MED13L: variants seen among roughly 807,000 people sequenced by gnomAD.
The protein encoded by MED13L is mediator of RNA polymerase II transcription subunit 13-like.
MED13L carries 7 observed loss-of-function variants against 220.9 expected under a neutral mutation model. The observed-to-expected ratio is 0.03, with a 90% CI of 0.02 to 0.06. MED13L has a LOEUF of 0.06. Among genes scored for constraint, MED13L ranks in the 10% least tolerant of loss-of-function variants. MED13L has a pLI of 1.00. For missense variants in MED13L, 1,965 were observed against 2,760.5 expected, an observed-to-expected ratio of 0.71 and a Z score of 6.46; for synonymous variants, 1,011 against 1,015.2, an observed-to-expected ratio of 1.00 and a Z score of 0.08.
chr12:116,063,036 G>T (rs1254108496), intron 4 of MED13L, among the ~76,000 whole-genome samples: 1 of 152,066 alleles, frequency 6.6e-6, no homozygotes, highest in Non-Finnish European at 1.5e-5. Context: ...ATTCTTGGAG[G>T]CTCAACGCAG....
At position 115,970,782 on chromosome 12, in the gene MED13L, AAAAT is replaced by A. The variant is rs769427230; in HGVS notation, c.5891-16_5891-13del. On this transcript the variant is annotated splice_polypyrimidine_tract_variant and intron_variant, in intron 26 of 30. Transcript: ENST00000281928. ...CATTGTGACAGCATCTTTAAAGAAA[AAAAT>A]AGAATTATATCAATCAATGAACAAC... 6 of 1,612,664 alleles carry A rather than the reference AAAAT, an allele frequency of 3.7e-6. No homozygotes were observed. In the East Asian group the frequency reaches 1.3e-4, roughly 36 times the overall value.
intron 2 of MED13L, among the ~76,000 whole-genome samples, chr12:116,162,917 A>T (rs917097784): frequency 1.3e-5 from 2 of 152,168 alleles, no homozygotes; most frequent in Non-Finnish European, 1.5e-5. Flanking sequence ...AAAATAAATA[A>T]AGAGACAAGG....
rs1874003352 is a variant in MED13L at position 116,277,673 on chromosome 12, C to A, written c.-542G>T. Reference sequence around the variant, plus strand: ...GCCTCGCTTCTCCTCCCTCCCCGGGCTCGCTTGCTCTGACAGCAATGGCGG... The same window carrying A: ...GCCTCGCTTCTCCTCCCTCCCCGGGATCGCTTGCTCTGACAGCAATGGCGG... On this transcript the variant is annotated 5_prime_UTR_variant, in exon 1 of 31. Transcript: ENST00000281928. Among the ~76,000 whole-genome samples the A allele has an allele frequency of 6.7e-6, 1 of 149,712 alleles. No homozygotes were observed. The highest frequency in any genetic ancestry group is 2.0e-4 in the East Asian group (1 of 5,088).
intron 4 of MED13L, among the ~76,000 whole-genome samples, chr12:116,056,370 T>C (rs1868974894): frequency 6.6e-6 from 1 of 151,924 alleles, no homozygotes; most frequent in Non-Finnish European, 1.5e-5. Context: ...CTCAACCTCC[T>C]GGGCTCAGGT....
chr12:116,179,702 A>G (rs74238462), intron 2 of MED13L, among the ~76,000 whole-genome samples: 1 of 133,910 alleles, frequency 7.5e-6, no homozygotes, highest in African/African-American at 2.9e-5. Context: ...TTTTTTTTTT[A>G]AAGGTTACAA....
chr12:115,984,867 CT>C (rs71442953), intron 19 of MED13L, among the ~76,000 whole-genome samples: 333 of 144,322 alleles, frequency 2.3e-3, no homozygotes, highest in Middle Eastern at 3.6e-3. Flanking sequence ...TGCTGATCGC[CT>C]TTTTTTTTTT....
chr12:116,201,304 T>C (rs1038634245), intron 2 of MED13L, among the ~76,000 whole-genome samples: 4 of 152,148 alleles, frequency 2.6e-5, no homozygotes, highest in Non-Finnish European at 5.9e-5. Context: ...TGTAATACCA[T>C]ATAAATTTTG....
intron 4 of MED13L, among the ~76,000 whole-genome samples, chr12:116,040,311 G>A (rs1322274283): frequency 6.6e-6 from 1 of 152,042 alleles, no homozygotes; most frequent in Non-Finnish European, 1.5e-5. Context: ...AAAATTCACT[G>A]AAAACAAATA....
intron 4 of MED13L, among the ~76,000 whole-genome samples, chr12:116,061,754 T>A (rs1369468568): frequency 1.3e-5 from 2 of 152,084 alleles, no homozygotes; most frequent in African/African-American, 4.8e-5. Flanking sequence ...ACGCCTGTAA[T>A]CTCAGCACTT....
chr12:116,012,653 G>A, intron 9 of MED13L, 144 bp downstream of exon 9: 1 of 712,340 alleles, frequency 1.4e-6, no homozygotes, highest in Non-Finnish European at 2.5e-6. Flanking sequence ...TGTATCATCT[G>A]CATATAAGAA....
At chr12:116,263,894 C>T (rs1189982530) in intron 1 of MED13L, among the ~76,000 whole-genome samples, 1 of 152,142 alleles carries the variant, frequency 6.6e-6, no homozygotes, top group East Asian at 1.9e-4. Flanking sequence ...GATTGCTAAA[C>T]CCACCTCCAC....
In MED13L at chr12:115,971,928, T is replaced by C. The variant is rs1035864632; in HGVS notation, c.5890+150A>G. 3.3e-6 allele frequency: 3 copies of C among 908,258 alleles called. No individual in the cohort carries two copies. The African/African-American group carries it at 5.0e-5, about 15-fold the overall frequency. The allele number at this position is 908,258 out of a possible 1,614,324, so 56.3% of individuals were successfully genotyped here. A position where few individuals can be genotyped will look rare whatever the true frequency, so the allele number is the denominator to read the frequency against. On this transcript the variant is annotated intron_variant, in intron 26 of 30. Coordinates refer to ENST00000281928, the MANE Select transcript of MED13L (RefSeq NM_015335.5). ...ATCACAAACCACTCCGCATGGAAGG[T>C]ATCGAATGTTTTCCATCTTTAAGCC...
chr12:116,084,846 C>G (rs1045214762), intron 4 of MED13L, among the ~76,000 whole-genome samples: 4 of 151,674 alleles, frequency 2.6e-5, no homozygotes, highest in African/African-American at 9.7e-5. Context: ...TGTTTTAAAT[C>G]ACAGAGACAA....
At chr12:116,165,553 T>C (rs1879198658) in intron 2 of MED13L, among the ~76,000 whole-genome samples, 1 of 151,632 alleles carries the variant, frequency 6.6e-6, no homozygotes, top group Non-Finnish European at 1.5e-5. Context: ...ATGGTCTCTA[T>C]CTCCTTACCT....
chr12:116,109,421 C>G (rs1016229072), intron 3 of MED13L, among the ~76,000 whole-genome samples: 5 of 151,930 alleles, frequency 3.3e-5, no homozygotes, highest in African/African-American at 1.2e-4. Flanking sequence ...TTCTAATTGT[C>G]TCTCGACAAA....
chr12:116,136,486 T>C (rs553155738), intron 2 of MED13L, among the ~76,000 whole-genome samples: 53 of 152,230 alleles, frequency 3.5e-4, no homozygotes, highest in Non-Finnish European at 6.6e-4. Flanking sequence ...GAAAGAACGA[T>C]GCATTCACGC....
At chr12:116,178,836 A>G (rs1880274841) in intron 2 of MED13L, among the ~76,000 whole-genome samples, 2 of 152,246 alleles carry the variant, frequency 1.3e-5, no homozygotes, top group Admixed American at 1.3e-4. Flanking sequence ...AGAGTCTGCA[A>G]GACAGTTTGA....
At chr12:116,097,289 G>A (rs1872704426) in intron 3 of MED13L, among the ~76,000 whole-genome samples, 1 of 152,034 alleles carries the variant, frequency 6.6e-6, no homozygotes, top group Admixed American at 6.6e-5. Context: ...GGGATTATGG[G>A]CGTGCACCAC....
intron 2 of MED13L, among the ~76,000 whole-genome samples, chr12:116,225,258 T>A (rs1016070287): frequency 1.3e-5 from 2 of 152,196 alleles, no homozygotes; most frequent in Non-Finnish European, 2.9e-5. Context: ...TAACCTTTTT[T>A]TCACAAAATG....
Sources: allele counts gnomAD v4.1 joint callset (sites outside exome capture counted in the v4.1 genomes callset), GRCh38; gene constraint gnomAD v4.1.1; transcripts MANE v1.5; gene names NCBI Gene and HGNC (gene_info 2026-07-23, HGNC 2026-07-21).